The following FMNL2 variants were observed in gnomAD, a reference collection of about 807,000 sequenced individuals.
FMNL2 encodes formin-like protein 2.
Under a neutral mutation model 130.2 loss-of-function variants are expected in FMNL2, and 51 were observed. The ratio of observed to expected loss-of-function variants is 0.39; its 90% CI spans 0.31 to 0.49. The LOEUF is 0.49. FMNL2 is among the 20% of genes least tolerant of loss of function. The probability of loss-of-function intolerance (pLI) is 0.85; values close to 1 mark genes in which losing one functional copy is unlikely to be tolerated. For missense variants in FMNL2, 977 were observed against 1,316.2 expected (o/e 0.74, Z 3.99); for synonymous variants, 465 against 467.1 (o/e 1.00, Z 0.06).
intron 2 of FMNL2, among the ~76,000 whole-genome samples, chr2:152,529,408 C>T (rs1291758033): frequency 6.6e-6 from 1 of 152,102 alleles, no homozygotes; most frequent in African/African-American, 2.4e-5. Context: ...TTGCTACTTT[C>T]TGCTTGAGAT....
intron 2 of FMNL2, among the ~76,000 whole-genome samples, chr2:152,541,276 T>C (rs34686383): frequency 0.038 from 5,776 of 152,066 alleles, 158 homozygotes; most frequent in Middle Eastern, 0.082. Flanking sequence ...TCCACCTCAG[T>C]CTCCTGGATA....
At chr2:152,375,240 T>G (rs1684088603) in intron 1 of FMNL2, among the ~76,000 whole-genome samples, 1 of 152,336 alleles carries the variant, frequency 6.6e-6, no homozygotes. Flanking sequence ...TCTGGAGCAC[T>G]GAACAGGTGT....
chr2:152,570,046 C>G (rs1048162442), intron 6 of FMNL2, among the ~76,000 whole-genome samples: 1 of 151,208 alleles, frequency 6.6e-6, no homozygotes, highest in Non-Finnish European at 1.5e-5. Context: ...TTGCAAAAAT[C>G]GCTTAGTTTT....
intron 1 of FMNL2, among the ~76,000 whole-genome samples, chr2:152,512,638 G>T (rs1419810757): frequency 6.6e-6 from 1 of 152,126 alleles, no homozygotes; most frequent in Non-Finnish European, 1.5e-5. Context: ...TAAAAAGGAT[G>T]GCAACAGTGT....
At chr2:152,441,305 G>C (rs776908800) in intron 1 of FMNL2, among the ~76,000 whole-genome samples, 1 of 152,238 alleles carries the variant, frequency 6.6e-6, no homozygotes, top group Non-Finnish European at 1.5e-5. Context: ...AGGATCTACA[G>C]AGCATTAACA....
At chr2:152,482,237 A>G (rs1051659093) in intron 1 of FMNL2, among the ~76,000 whole-genome samples, 5 of 152,210 alleles carry the variant, frequency 3.3e-5, no homozygotes, top group African/African-American at 7.2e-5. Context: ...ACTTAAGTCT[A>G]CTGGAACTGT....
chr2:152,509,596 G>A (rs1692377103), intron 1 of FMNL2, among the ~76,000 whole-genome samples: 1 of 152,006 alleles, frequency 6.6e-6, no homozygotes, highest in Non-Finnish European at 1.5e-5. Context: ...CAAAGAAAAG[G>A]TCACCCCAAA....
At chr2:152,358,478 C>T (rs938171320) in intron 1 of FMNL2, among the ~76,000 whole-genome samples, 1 of 151,884 alleles carries the variant, frequency 6.6e-6, no homozygotes, top group Non-Finnish European at 1.5e-5. Context: ...GGTGAAAAAC[C>T]CCTGTCTACT....
Position 152,335,471 on chromosome 2 carries a change from C to T in FMNL2, c.-133C>T, listed in dbSNP as rs780925134. 3 of 519,198 alleles carry T rather than the reference C, an allele frequency of 5.8e-6. No homozygotes were observed. The highest frequency in any genetic ancestry group is 8.8e-5 in the South Asian group (2 of 22,604). 32.2% of individuals were successfully genotyped at this position (519,198 alleles called of 1,614,324 possible). ...GGGAGCGGTGCGCGCCGCACACCCG[C>T]CTGGGCGCGGCGGAGGGCGGGGAGC... On this transcript the variant is annotated 5_prime_UTR_variant, in exon 1 of 26. Transcript: ENST00000288670.
chr2:152,594,268 C>A (rs1697636367), intron 9 of FMNL2, among the ~76,000 whole-genome samples: 1 of 152,074 alleles, frequency 6.6e-6, no homozygotes, highest in African/African-American at 2.4e-5. Context: ...TCAAATAGTT[C>A]CCTCTAAGAA....
chr2:152,494,872 G>A (rs1691414873), intron 1 of FMNL2, among the ~76,000 whole-genome samples: 1 of 152,128 alleles, frequency 6.6e-6, no homozygotes, highest in African/African-American at 2.4e-5. Flanking sequence ...AGGACCATGT[G>A]GATTTTATTC....
chr2:152,426,858 C>CT (rs1447462813), intron 1 of FMNL2, among the ~76,000 whole-genome samples: 2 of 152,284 alleles, frequency 1.3e-5, no homozygotes, highest in East Asian at 3.9e-4. Flanking sequence ...GCAGTGGTCT[C>CT]TAAGAAGCCT....
At chr2:152,510,965 A>C (rs73968050) in intron 1 of FMNL2, among the ~76,000 whole-genome samples, 1 of 152,188 alleles carries the variant, frequency 6.6e-6, no homozygotes, top group South Asian at 2.1e-4. Context: ...TGGCTCCTTC[A>C]TGAGTTGATA....
chr2:152,525,679 A>C (rs2105419617), intron 2 of FMNL2, among the ~76,000 whole-genome samples: 1 of 152,304 alleles, frequency 6.6e-6, no homozygotes, highest in Non-Finnish European at 1.5e-5. Flanking sequence ...GGTAGCAGGA[A>C]ATTGTAGCCA....
At position 152,430,878 on chromosome 2, in the gene FMNL2, T is replaced by A. The variant is rs190798124; in HGVS notation, c.118-91065T>A. On this transcript the variant is annotated intron_variant, in intron 1 of 25. Coordinates refer to ENST00000288670, the MANE Select transcript of FMNL2 (RefSeq NM_052905.4). Reference sequence around the variant, plus strand: ...ACAGAGTGAGACTTGGTCTCGAAAATATATATATATATATGTTTATTTCAG... The same window carrying A: ...ACAGAGTGAGACTTGGTCTCGAAAAAATATATATATATATGTTTATTTCAG... 1.1e-4 allele frequency among the ~76,000 whole-genome samples: 16 copies of A among 151,130 alleles called. No homozygotes were observed. In the East Asian group the frequency reaches 2.1e-3, roughly 20 times the overall value.
chr2:152,558,964 G>A (rs1463230771), intron 5 of FMNL2, 141 bp downstream of exon 5: 4 of 684,414 alleles, frequency 5.8e-6, no homozygotes, highest in Admixed American at 3.1e-5. Context: ...TTTCTGTTTG[G>A]GTAACTAAAA....
intron 1 of FMNL2, among the ~76,000 whole-genome samples, chr2:152,442,314 C>T (rs1411987979): frequency 6.6e-6 from 1 of 150,938 alleles, no homozygotes; most frequent in Non-Finnish European, 1.5e-5. Flanking sequence ...TGCAATGGCG[C>T]GATCTTGGCT....
intron 6 of FMNL2, among the ~76,000 whole-genome samples, chr2:152,572,702 T>C (rs1437680): frequency 0.54 from 81,600 of 151,856 alleles, 22,394 homozygotes; most frequent in Non-Finnish European, 0.6. Flanking sequence ...GTGATCATGG[T>C]ACTGCACTTC....
At chr2:152,469,472 G>A (rs1329089878) in intron 1 of FMNL2, among the ~76,000 whole-genome samples, 2 of 152,100 alleles carry the variant, frequency 1.3e-5, no homozygotes, top group Non-Finnish European at 2.9e-5. Flanking sequence ...CTAAATGTTT[G>A]TTTGCACCCA....
Sources: allele counts gnomAD v4.1 joint callset (sites outside exome capture counted in the v4.1 genomes callset), GRCh38; gene constraint gnomAD v4.1.1; transcripts MANE v1.5; gene names NCBI Gene and HGNC (gene_info 2026-07-23, HGNC 2026-07-21).